ANKS1B: variants seen among roughly 807,000 people sequenced by gnomAD.
ANKS1B encodes the protein ankyrin repeat and sterile alpha motif domain containing 1B, also known as ankyrin repeat and sterile alpha motif domain-containing protein 1B.
ANKS1B carries 36 observed loss-of-function variants against 148.3 expected under a neutral mutation model. That is an observed-to-expected ratio of 0.24 (90% confidence interval 0.19 to 0.32). ANKS1B has a LOEUF of 0.32. ANKS1B is among the 10% of genes least tolerant of loss of function. The pLI is 1.00. For synonymous variants in ANKS1B, 542 were observed against 560.8 expected, an observed-to-expected ratio of 0.97 and a Z score of 0.47; for missense variants, 1,157 against 1,542.6, an observed-to-expected ratio of 0.75 and a Z score of 4.19.
At chr12:98,768,037 T>C (rs1272498454) in intron 25 of ANKS1B, among the ~76,000 whole-genome samples, 1 of 152,190 alleles carries the variant, frequency 6.6e-6, no homozygotes, top group Non-Finnish European at 1.5e-5. Context: ...TCTTTTCTGC[T>C]CACCCTACAG....
intron 12 of ANKS1B, among the ~76,000 whole-genome samples, chr12:99,302,846 T>C (rs1483508337): frequency 3.3e-5 from 5 of 152,136 alleles, no homozygotes; most frequent in African/African-American, 1.2e-4. Flanking sequence ...ATAAAACACA[T>C]TCTACATAAT....
chr12:99,768,752 G>A (rs1487253437), intron 8 of ANKS1B, among the ~76,000 whole-genome samples: 9 of 151,150 alleles, frequency 6.0e-5, no homozygotes, highest in Middle Eastern at 3.4e-3. Context: ...CTTGAACCCC[G>A]GAGGCGGAGG....
At position 99,806,607 on chromosome 12, in the gene ANKS1B, T is replaced by C. The variant is rs776518985; in HGVS notation, c.466A>G (p.Ile156Val). The C allele has an allele frequency of 5.0e-6, 8 of 1,613,858 alleles. No homozygotes were observed. The highest frequency in any genetic ancestry group is 5.9e-6 in the Non-Finnish European group (7 of 1,179,878). Residue 156 changes from isoleucine to valine, a missense_variant, in exon 4 of 27, where the codon ATT becomes GTT. By Grantham distance (29) the Ile-to-Val change is conservative. Transcript: ENST00000683438. ...VLLEELTDPT[I>V]RNSKLETPLD... ...GGTGTTTCCAGCTTGCTATTTCTAA[T>C]TGTCGGGTCAGTGAGCTCTTCTAGG...
At chr12:99,234,287 C>T (rs941075641) in intron 14 of ANKS1B, among the ~76,000 whole-genome samples, 5 of 152,118 alleles carry the variant, frequency 3.3e-5, no homozygotes, top group African/African-American at 1.2e-4. Context: ...ATCAAAATAA[C>T]TTAGACCACT....
At chr12:99,276,458 C>T (rs2077682438) in intron 12 of ANKS1B, among the ~76,000 whole-genome samples, 1 of 152,118 alleles carries the variant, frequency 6.6e-6, no homozygotes, top group South Asian at 2.1e-4. Context: ...GAAATTTGGA[C>T]ATGCTGAGAG....
intron 12 of ANKS1B, among the ~76,000 whole-genome samples, chr12:99,389,837 C>T (rs1567010250): frequency 4.6e-5 from 7 of 152,166 alleles, no homozygotes; most frequent in African/African-American, 7.2e-5. Flanking sequence ...GAAACTACTG[C>T]GCCCTTGCCT....
intron 14 of ANKS1B, among the ~76,000 whole-genome samples, chr12:99,226,226 T>C (rs2085916415): frequency 6.6e-6 from 1 of 152,190 alleles, no homozygotes; most frequent in Non-Finnish European, 1.5e-5. Context: ...AAATTTCTGC[T>C]GTAAGTGCAC....
intron 1 of ANKS1B, among the ~76,000 whole-genome samples, chr12:99,966,333 A>G (rs552501525): frequency 3.3e-4 from 50 of 152,262 alleles, no homozygotes; most frequent in African/African-American, 1.2e-3. Flanking sequence ...GGTTCGGGGA[A>G]AAAAAAGGTT....
intron 1 of ANKS1B, among the ~76,000 whole-genome samples, chr12:99,869,647 C>A (rs1306022603): frequency 1.3e-5 from 2 of 151,290 alleles, no homozygotes; most frequent in Admixed American, 6.6e-5. Context: ...CGCCATTGCA[C>A]TCCAGCCTGG....
chr12:98,860,534 G>A (rs367641924), intron 17 of ANKS1B, among the ~76,000 whole-genome samples: 163 of 152,286 alleles, frequency 1.1e-3, no homozygotes, highest in African/African-American at 3.7e-3. Context: ...TTATAAGCCC[G>A]TCAATGGAAG....
intron 17 of ANKS1B, among the ~76,000 whole-genome samples, chr12:98,935,530 A>C (rs1567873868): frequency 6.6e-6 from 1 of 152,164 alleles, no homozygotes; most frequent in Non-Finnish European, 1.5e-5. Context: ...AAGTTTTTGG[A>C]AGAGTTTGAG....
Position 98,782,862 on chromosome 12 carries a change from G to C in ANKS1B, c.3343-725C>G, listed in dbSNP as rs190378631. Among the ~76,000 whole-genome samples, 22 of 152,220 alleles carry C rather than the reference G, an allele frequency of 1.4e-4. No individual in the cohort carries two copies. The East Asian group carries it at 3.5e-3, about 24-fold the overall frequency. ...AGAGATTATGAAAATAAAATATAAG[G>C]TTAGAAACTCGTTTTAATGCTTCTT... On this transcript the variant is annotated intron_variant, in intron 22 of 26. Transcript: ENST00000683438.
intron 17 of ANKS1B, among the ~76,000 whole-genome samples, chr12:98,930,825 C>T (rs1321702369): frequency 1.3e-5 from 2 of 152,038 alleles, no homozygotes; most frequent in African/African-American, 4.8e-5. Flanking sequence ...GTGATGGTCA[C>T]ACAACTCTGT....
intron 12 of ANKS1B, among the ~76,000 whole-genome samples, chr12:99,357,846 CATG>C (rs199838544): frequency 0.015 from 2,249 of 152,164 alleles, 22 homozygotes; most frequent in Non-Finnish European, 0.022. Context: ...AACTACAATA[CATG>C]ATAAGAATGC....
At chr12:98,885,718 ATTT>A (rs1283267257) in intron 17 of ANKS1B, among the ~76,000 whole-genome samples, 1 of 152,202 alleles carries the variant, frequency 6.6e-6, no homozygotes, top group Non-Finnish European at 1.5e-5. Flanking sequence ...TAATGGAGAC[ATTT>A]AACACAAGTT....
At chr12:99,074,627 C>T (rs1286497497) in intron 16 of ANKS1B, among the ~76,000 whole-genome samples, 1 of 152,186 alleles carries the variant, frequency 6.6e-6, no homozygotes, top group African/African-American at 2.4e-5. Flanking sequence ...TTGGTCATCA[C>T]TTGTAAACAG....
At chr12:99,699,604 A>G (rs2054495671) in intron 8 of ANKS1B, among the ~76,000 whole-genome samples, 1 of 152,186 alleles carries the variant, frequency 6.6e-6, no homozygotes, top group Non-Finnish European at 1.5e-5. Flanking sequence ...TGCTGTTTTA[A>G]ATATCCCGTA....
chr12:99,709,634 G>C (rs932713537), intron 8 of ANKS1B, among the ~76,000 whole-genome samples: 1 of 151,976 alleles, frequency 6.6e-6, no homozygotes, highest in Non-Finnish European at 1.5e-5. Flanking sequence ...ATCCATAATG[G>C]GGTTTTAGCA....
intron 12 of ANKS1B, among the ~76,000 whole-genome samples, chr12:99,365,585 G>A (rs2092720787): frequency 1.3e-5 from 2 of 152,170 alleles, no homozygotes; most frequent in Non-Finnish European, 2.9e-5. Context: ...CCATATGGAT[G>A]GATCAGGGCC....
Sources: gnomAD v4.1 joint callset for allele counts (sites outside exome capture counted in the v4.1 genomes callset) on GRCh38, gnomAD v4.1.1 for gene constraint, MANE v1.5 for transcripts, NCBI Gene and HGNC (gene_info 2026-07-23, HGNC 2026-07-21) for gene names.